Variants in RBFOX1 observed in about 807,000 individuals in gnomAD.
RBFOX1 encodes RNA binding fox-1 homolog 1, also known as RNA binding protein fox-1 homolog 1.
In RBFOX1, 8 loss-of-function variants were observed where a neutral mutation model predicts 57.7. That is an observed-to-expected ratio of 0.14 (90% confidence interval 0.08 to 0.25). The LOEUF (loss-of-function observed/expected upper bound fraction) is 0.25, where lower values mean the gene tolerates loss of function less well. Among genes scored for constraint, RBFOX1 ranks in the 10% least tolerant of loss-of-function variants. The pLI is 1.00. For synonymous variants in RBFOX1, 326 were observed against 222.4 expected (o/e 1.47, Z -4.15); for missense variants, 611 against 548.5 (o/e 1.11, Z -1.14).
intron 2 of RBFOX1, among the ~76,000 whole-genome samples, chr16:5,494,382 G>A (rs556403425): frequency 6.6e-6 from 1 of 152,338 alleles, no homozygotes; most frequent in South Asian, 2.1e-4. Context: ...GGGAAAGAAC[G>A]AGAACACTAA....
chr16:7,505,183 G>A (rs577201954), intron 4 of RBFOX1, among the ~76,000 whole-genome samples: 32 of 150,468 alleles, frequency 2.1e-4, no homozygotes, highest in African/African-American at 5.9e-4. Flanking sequence ...GTGTGTGTGT[G>A]CTCGCATGTG....
chr16:6,893,881 C>G (rs1010214358), intron 3 of RBFOX1, among the ~76,000 whole-genome samples: 13 of 152,098 alleles, frequency 8.5e-5, no homozygotes, highest in African/African-American at 2.4e-4. Flanking sequence ...TTTAGGTTGT[C>G]TGATAGGGTC....
chr16:6,353,782 A>G lies in RBFOX1; in HGVS notation c.-64+36725A>G, dbSNP rs143071527. 5.3e-3 allele frequency among the ~76,000 whole-genome samples: 810 copies of G among 152,222 alleles called. 11 individuals are homozygous for G. The highest frequency in any genetic ancestry group is 0.017 in the African/African-American group (718 of 41,534). ...ACGGTGAGTTTAATCCACGTTGAGG[A>G]AGATCTGAAGGACATTGGAGTGCCC... On this transcript the variant is annotated intron_variant, in intron 2 of 15. Transcript: ENST00000550418.
intron 4 of RBFOX1, among the ~76,000 whole-genome samples, chr16:7,072,301 A>G (rs1291774446): frequency 6.6e-6 from 1 of 152,180 alleles, no homozygotes; most frequent in African/African-American, 2.4e-5. Flanking sequence ...TTCTTCATTC[A>G]TCACTTTCAT....
intron 4 of RBFOX1, among the ~76,000 whole-genome samples, chr16:7,246,620 G>C (rs868377748): frequency 2.9e-5 from 4 of 137,346 alleles, no homozygotes; most frequent in Non-Finnish European, 6.1e-5. Context: ...TTGTCAGACT[G>C]TATGGTCACC....
At chr16:7,179,794 G>C (rs540124881) in intron 4 of RBFOX1, among the ~76,000 whole-genome samples, 13 of 151,992 alleles carry the variant, frequency 8.6e-5, no homozygotes, top group Non-Finnish European at 1.6e-4. Flanking sequence ...GAATGCAGTG[G>C]CATGATCTCG....
At chr16:7,474,526 T>A (rs1353668718) in intron 4 of RBFOX1, among the ~76,000 whole-genome samples, 1 of 152,230 alleles carries the variant, frequency 6.6e-6, no homozygotes, top group East Asian at 1.9e-4. Context: ...CTATTTAGGT[T>A]GGTGCAAAAG....
At chr16:7,219,125 T>C in intron 4 of RBFOX1, among the ~76,000 whole-genome samples, 1 of 152,202 alleles carries the variant, frequency 6.6e-6, no homozygotes, top group East Asian at 1.9e-4. Flanking sequence ...GAGCTGGCTT[T>C]GTGTCAGCCC....
intron 3 of RBFOX1, among the ~76,000 whole-genome samples, chr16:6,674,212 T>A (rs1209040759): frequency 6.6e-6 from 1 of 152,194 alleles, no homozygotes; most frequent in Non-Finnish European, 1.5e-5. Context: ...TACCTGTGAA[T>A]GTAAATTTAT....
At chr16:6,611,955 A>G (rs540631840) in intron 2 of RBFOX1, among the ~76,000 whole-genome samples, 2 of 151,766 alleles carry the variant, frequency 1.3e-5, no homozygotes, top group African/African-American at 4.8e-5. Context: ...CTCTTCCTCA[A>G]TTCTGTTACC....
chr16:6,809,907 A>C (rs778135050), intron 3 of RBFOX1, among the ~76,000 whole-genome samples: 1 of 152,140 alleles, frequency 6.6e-6, no homozygotes, highest in Non-Finnish European at 1.5e-5. Flanking sequence ...GCTTTTGTAC[A>C]AATGAATAAA....
chr16:5,471,080 G>A (rs111867868), intron 2 of RBFOX1, among the ~76,000 whole-genome samples: 2 of 152,014 alleles, frequency 1.3e-5, no homozygotes, highest in African/African-American at 4.8e-5. Context: ...GTGATCCACC[G>A]GCCTCGGTCT....
At chr16:6,478,702 G>A (rs74005222) in intron 2 of RBFOX1, among the ~76,000 whole-genome samples, 10,908 of 151,734 alleles carry the variant, frequency 0.072, 1,242 homozygotes, top group African/African-American at 0.24. Flanking sequence ...AGATTGTTGT[G>A]CCTTAAGGAA....
intron 3 of RBFOX1, among the ~76,000 whole-genome samples, chr16:6,720,530 G>C (rs1459545754): frequency 6.6e-6 from 1 of 152,214 alleles, no homozygotes; most frequent in Non-Finnish European, 1.5e-5. Context: ...GGGTGTTACA[G>C]GCAGCAGGAA....
chr16:6,548,755 G>A (rs2096929886), intron 2 of RBFOX1, among the ~76,000 whole-genome samples: 1 of 152,070 alleles, frequency 6.6e-6, no homozygotes, highest in Admixed American at 6.5e-5. Context: ...GCATCGTTAG[G>A]TTTCTTCCAC....
chr16:7,566,861 G>A (rs1406931577), intron 5 of RBFOX1, among the ~76,000 whole-genome samples: 2 of 151,624 alleles, frequency 1.3e-5, no homozygotes, highest in Admixed American at 1.3e-4. Context: ...GAAATCGTAT[G>A]CAAAATTTAG....
chr16:5,520,449 C>T (rs149016495), intron 2 of RBFOX1, among the ~76,000 whole-genome samples: 27 of 152,250 alleles, frequency 1.8e-4, no homozygotes, highest in African/African-American at 5.8e-4. Context: ...CAGACTTGGG[C>T]GTCCATGTCA....
intron 1 of RBFOX1, among the ~76,000 whole-genome samples, chr16:5,404,077 G>T (rs1393381387): frequency 2.0e-5 from 3 of 149,356 alleles, no homozygotes; most frequent in Non-Finnish European, 4.5e-5. Context: ...AGTCATGGGG[G>T]CGGGGTGGGG....
At chr16:6,631,495 T>TA (rs1206076787) in intron 2 of RBFOX1, among the ~76,000 whole-genome samples, 1 of 152,112 alleles carries the variant, frequency 6.6e-6, no homozygotes, top group Non-Finnish European at 1.5e-5. Flanking sequence ...TTCTTAAAGT[T>TA]ACTCCATTCG....
Sources: gnomAD v4.1 joint callset for allele counts (sites outside exome capture counted in the v4.1 genomes callset) on GRCh38, gnomAD v4.1.1 for gene constraint, MANE v1.5 for transcripts, NCBI Gene and HGNC (gene_info 2026-07-23, HGNC 2026-07-21) for gene names.